The following RNF213 variants were observed in gnomAD, a reference collection of about 807,000 sequenced individuals.
RNF213 encodes ring finger protein 213.
Under a neutral mutation model 514.4 loss-of-function variants are expected in RNF213, and 341 were observed. The observed-to-expected ratio is 0.66, with a 90% CI of 0.61 to 0.73. The LOEUF is 0.73. Ranked by LOEUF, RNF213 falls within the 30% of genes least tolerant of loss-of-function variation. The probability of loss-of-function intolerance (pLI) is 0.00; values close to 1 mark genes in which losing one functional copy is unlikely to be tolerated. For synonymous variants in RNF213, 2,655 were observed against 2,658.2 expected (o/e 1.00, Z 0.04); for missense variants, 5,767 against 6,615.6 (o/e 0.87, Z 4.45).
chr17:80,339,489 C>G lies in RNF213; in HGVS notation c.5122C>G (p.Gln1708Glu). 1 of 1,537,220 alleles carries G rather than the reference C, an allele frequency of 6.5e-7. No individual in the cohort carries two copies. Residue 1708 changes from glutamine (Q) to glutamate (E), a missense_variant, in exon 26 of 68, where the codon CAG (glutamine) becomes GAG (glutamate). This residue lies in a region of RNF213 where 1,377 missense variants were observed against 1,635.2 expected (regional missense o/e 0.84). Transcript: ENST00000582970. ...TTACCTGAACTTCTACACGGCAGAGCAGCTGGTTTACCTGAGCACTGAGCT... is the reference window on the plus strand; with the variant it reads ...TTACCTGAACTTCTACACGGCAGAGGAGCTGGTTTACCTGAGCACTGAGCT... ...HFYLNFYTAE[Q>E]LVYLSTELRK...
At chr17:80,373,753 T>C (rs2079619830) in intron 49 of RNF213, among the ~76,000 whole-genome samples, 1 of 151,996 alleles carries the variant, frequency 6.6e-6, no homozygotes, top group South Asian at 2.1e-4. Context: ...TTCCAGCACT[T>C]TGGGAGGCCG....
rs1026354417 is a variant in RNF213, at chr17:80,393,527, C to G, written c.*29C>G. The G allele has an allele frequency of 1.2e-5, 19 of 1,612,410 alleles. 1 individual carries two copies. The East Asian group carries it at 3.8e-4, about 32-fold the overall frequency. Reference sequence around the variant, plus strand: ...TATTTCCTCAGCTATCTTTGGATGACTTTGGAGAGAAGACTCCTCTCTCCT... The same window carrying G: ...TATTTCCTCAGCTATCTTTGGATGAGTTTGGAGAGAAGACTCCTCTCTCCT... On this transcript the variant is annotated 3_prime_UTR_variant, in exon 68 of 68. Transcript: ENST00000582970.
chr17:80,306,511 G>C (rs1255990132), intron 12 of RNF213, 43 bp downstream of exon 12: 1 of 1,559,194 alleles, frequency 6.4e-7, no homozygotes, highest in Non-Finnish European at 8.8e-7. Context: ...CTTAGCAAAA[G>C]CAGACTAGAT....
Position 80,346,418 on chromosome 17 carries a change from G to C in RNF213, c.8083G>C (p.Ala2695Pro). 1 of 1,613,384 alleles carries C rather than the reference G, an allele frequency of 6.2e-7. No homozygotes were observed. The highest frequency in any genetic ancestry group is 8.5e-7 in the Non-Finnish European group (1 of 1,180,004). Residue 2695 changes from alanine to proline, a missense_variant, in exon 29 of 68, where the codon GCC becomes CCC. This residue lies in a region of RNF213 where 1,377 missense variants were observed against 1,635.2 expected (regional missense o/e 0.84). Transcript: ENST00000582970. This position sits in a 1 kb window ranked among gnomAD's most constrained non-coding sequence, Gnocchi z 8.1. ...LMLAIGVCYHASLEKKDSYRK... is the reference protein window; with the variant it reads ...LMLAIGVCYHPSLEKKDSYRK... ...GCTGGCCATCGGGGTGTGTTACCAT[G>C]CCTCTTTAGAAAAGAAAGACTCATA...
In RNF213 at chr17:80,347,035, G is replaced by A. The variant is rs1376005333; in HGVS notation, c.8700G>A (p.Val2900=). The change falls in exon 29 of 68, where the codon GTG becomes GTA. Residue 2900 remains valine (V), a synonymous_variant. Coordinates refer to ENST00000582970, the MANE Select transcript of RNF213 (RefSeq NM_001256071.3). This position sits in a 1 kb window ranked among gnomAD's most constrained non-coding sequence, Gnocchi z 7.2. ...CCAAGATGAACCGGGGCATTTTTGT[G>A]TCACGTGGCAGCCCCAACGAGACAG... The part of the protein sequence containing the change: ...DPAKMNRGIF[V]SRGSPNETEL... 6.2e-7 allele frequency: 1 copy of A among 1,614,014 alleles called. No homozygotes were observed. The highest frequency in any genetic ancestry group is 1.1e-5 in the South Asian group (1 of 91,060).
At chr17:80,298,633 A>G (rs2045052712) in intron 11 of RNF213, 115 bp downstream of exon 11, 2 of 1,065,684 alleles carry the variant, frequency 1.9e-6, no homozygotes, top group Non-Finnish European at 2.8e-6. Context: ...TAATGACAGA[A>G]CTAACACACG....
Position 80,340,442 on chromosome 17 carries a change from C to T in RNF213, c.5989+86C>T, listed in dbSNP as rs921525467. ...CCCTCCAGCAGATGAAGCCTGTCTG[C>T]AGGTGGAGAAACCGAGGCTCAGGGA... On this transcript the variant is annotated intron_variant, in intron 26 of 67. Coordinates refer to ENST00000582970, the MANE Select transcript of RNF213 (RefSeq NM_001256071.3). 21 of 1,324,964 alleles carry T rather than the reference C, an allele frequency of 1.6e-5. 1 individual carries two copies. Among genetic ancestry groups the T allele is most frequent in the Middle Eastern group, 2.5e-4 (1 of 3,978 alleles). 82.1% of individuals were successfully genotyped at this position (1,324,964 alleles called of 1,614,324 possible). A position where few individuals can be genotyped will look rare whatever the true frequency, so the allele number is the denominator to read the frequency against.
rs148918801 is a variant in RNF213, at chr17:80,363,716, G to C, written c.11676G>C (p.Pro3892=). 2.3e-5 allele frequency: 37 copies of C among 1,613,706 alleles called. No homozygotes were observed. Among genetic ancestry groups the C allele is most frequent in the Middle Eastern group, 3.3e-4 (2 of 6,076 alleles). The change falls in exon 41 of 68, where the codon CCG becomes CCC. Residue 3892 remains proline (P), a synonymous_variant. Coordinates refer to ENST00000582970, the MANE Select transcript of RNF213 (RefSeq NM_001256071.3). The part of the protein sequence containing the change: ...WLQLVKNLSM[P]LELICSDEHM... ...AGTTGGTGAAGAATCTTTCCATGCCGCTGGAGCTCATCTGCTCCGATGAGC... is the reference window on the plus strand; with the variant it reads ...AGTTGGTGAAGAATCTTTCCATGCCCCTGGAGCTCATCTGCTCCGATGAGC...
intron 17 of RNF213, chr17:80,319,898 T>G: frequency 1.9e-6 from 2 of 1,070,616 alleles, no homozygotes; most frequent in Non-Finnish European, 2.3e-6. Flanking sequence ...AGCACAGCCT[T>G]GCGGCCACAG....
intron 64 of RNF213, 87 bp from the exon 65 acceptor site, chr17:80,389,086 C>A: frequency 7.7e-7 from 1 of 1,292,280 alleles, no homozygotes; most frequent in Non-Finnish European, 1.1e-6. Context: ...GTGGCTTGGG[C>A]AGTGAAGGGG....
Position 80,395,504 on chromosome 17 carries a change from A to G in RNF213, c.*2006A>G, listed in dbSNP as rs2080638358. On this transcript the variant is annotated 3_prime_UTR_variant, in exon 68 of 68. Transcript: ENST00000582970. Reference sequence around the variant, plus strand: ...GGACTTTTCCTCTGGACAAAATGACAGCATCCTGGCGACTCCACAGTGGAG... The same window carrying G: ...GGACTTTTCCTCTGGACAAAATGACGGCATCCTGGCGACTCCACAGTGGAG... The G allele has an allele frequency of 6.6e-6, 1 of 152,288 alleles. No individual in the cohort carries two copies. Among genetic ancestry groups the G allele is most frequent in the Non-Finnish European group, 1.5e-5 (1 of 68,078 alleles). The allele number at this position is 152,288 out of a possible 1,614,324, so 9.4% of individuals were successfully genotyped here.
chr17:80,377,031 C>A lies in RNF213; in HGVS notation c.13510+68C>A. On this transcript the variant is annotated intron_variant, in intron 53 of 67. Coordinates refer to ENST00000582970, the MANE Select transcript of RNF213 (RefSeq NM_001256071.3). This position sits in a 1 kb window ranked among gnomAD's most constrained non-coding sequence, Gnocchi z 4.1. ...CAAAGGGTGTCCAGATGCTATGAAG[C>A]ATTGGGTTCGACTTGGGGTCCACGT... The A allele has an allele frequency of 7.8e-7, 1 of 1,279,716 alleles. No homozygotes were observed. The highest frequency in any genetic ancestry group is 1.1e-6 in the Non-Finnish European group (1 of 887,508). The allele number at this position is 1,279,716 out of a possible 1,614,324, so 79.3% of individuals were successfully genotyped here.
chr17:80,327,690 G>A, intron 18 of RNF213, 126 bp from the exon 19 acceptor site: 2 of 764,460 alleles, frequency 2.6e-6, no homozygotes, highest in Non-Finnish European at 4.1e-6. Flanking sequence ...GGAGACACTG[G>A]CCAGCCATTG....
At chr17:80,357,600 G>T (rs754084210) in intron 36 of RNF213, among the ~76,000 whole-genome samples, 30 of 152,034 alleles carry the variant, frequency 2.0e-4, no homozygotes, top group Non-Finnish European at 3.8e-4. Flanking sequence ...CAAATGAATC[G>T]TCATAATTTT....
Position 80,369,384 on chromosome 17 carries a change from G to C in RNF213, c.12156-118G>C, listed in dbSNP as rs920549253. ...CTGTACTCCAGCCTGGGCAACAAGA[G>C]TGAAACTCCGTCTCAAAAAAAAAAA... On this transcript the variant is annotated intron_variant, in intron 44 of 67. Transcript: ENST00000582970. The C allele has an allele frequency of 6.0e-6, 6 of 1,004,052 alleles. No individual in the cohort carries two copies. In the African/African-American group the frequency reaches 9.8e-5, roughly 16 times the overall value. 62.2% of individuals were successfully genotyped at this position (1,004,052 alleles called of 1,614,324 possible).
chr17:80,339,266 G>C lies in RNF213; in HGVS notation c.4899G>C (p.Leu1633=). Residue 1633 remains leucine (L), a synonymous_variant, in exon 26 of 68, where the codon CTG becomes CTC. Coordinates refer to ENST00000582970, the MANE Select transcript of RNF213 (RefSeq NM_001256071.3). ...FIDLHSAGNM[L]FRTWIAMAYC... ...ACCTGCACTCTGCTGGGAATATGCT[G>C]TTCAGGACGTGGATCGCCATGGCCT... 6.5e-7 allele frequency: 1 copy of C among 1,531,796 alleles called. No homozygotes were observed. Among genetic ancestry groups the C allele is most frequent in the African/African-American group, 1.4e-5 (1 of 73,080 alleles). The allele number at this position is 1,531,796 out of a possible 1,614,324, so 94.9% of individuals were successfully genotyped here.
intron 3 of RNF213, among the ~76,000 whole-genome samples, chr17:80,276,093 T>TTTATTTA (rs371238281): frequency 2.1e-4 from 32 of 150,578 alleles, no homozygotes; most frequent in African/African-American, 7.1e-4. Context: ...TTATTTTTTG[T>TTTATTTA]TTTATTTATT....
At chr17:80,296,087 T>C (rs968534963) in intron 10 of RNF213, among the ~76,000 whole-genome samples, 4 of 152,180 alleles carry the variant, frequency 2.6e-5, no homozygotes, top group African/African-American at 7.2e-5. Context: ...TGGCGCAATC[T>C]TGGCTCACTG....
At chr17:80,270,057 C>T (rs927365689) in intron 2 of RNF213, among the ~76,000 whole-genome samples, 1 of 152,252 alleles carries the variant, frequency 6.6e-6, no homozygotes, top group Non-Finnish European at 1.5e-5. Context: ...CCCAGAGCAA[C>T]ACTGTAAACT....
Sources: allele counts gnomAD v4.1 joint callset (sites outside exome capture counted in the v4.1 genomes callset), GRCh38; gene constraint gnomAD v4.1.1; regional missense constraint gnomAD v4.1.1; non-coding constraint Gnocchi (gnomAD v3.1); transcripts MANE v1.5; gene names NCBI Gene and HGNC (gene_info 2026-07-23, HGNC 2026-07-21).